The following TEX22 variants were observed in gnomAD, a reference collection of about 807,000 sequenced individuals.
The protein encoded by TEX22 is testis-expressed protein 22.
In TEX22, 16 loss-of-function variants were observed where a neutral mutation model predicts 11.3. That is an observed-to-expected ratio of 1.42 (90% confidence interval 0.96 to 2.15). TEX22 has a LOEUF of 2.15. Ranked by LOEUF, TEX22 falls within the 30% of genes most tolerant of loss-of-function variation. The probability of loss-of-function intolerance (pLI) is 0.00; values close to 1 mark genes in which losing one functional copy is unlikely to be tolerated. For missense variants in TEX22, 220 were observed against 208.6 expected, an observed-to-expected ratio of 1.05 and a Z score of -0.34; for synonymous variants, 97 against 92.3, an observed-to-expected ratio of 1.05 and a Z score of -0.29.
chr14:105,411,354 G>T lies in TEX22; in HGVS notation c.151-14G>T, dbSNP rs902918669. ...GCGCCGAGGCCCTCGCCGACCCGCT[G>T]CCCTGTCCCCCAGGTGTGCGAGCCG... On this transcript the variant is annotated splice_polypyrimidine_tract_variant and intron_variant, in intron 2 of 3. Coordinates refer to ENST00000451127, the MANE Select transcript of TEX22 (RefSeq NM_001195082.2). The T allele has an allele frequency of 2.3e-6, 3 of 1,324,118 alleles. No homozygotes were observed. The highest frequency in any genetic ancestry group is 2.9e-6 in the Non-Finnish European group (3 of 1,036,302). The allele number at this position is 1,324,118 out of a possible 1,614,324, so 82.0% of individuals were successfully genotyped here.
At chr14:105,404,439 CAG>C (rs782620365) in intron 2 of TEX22, among the ~76,000 whole-genome samples, 9 of 152,342 alleles carry the variant, frequency 5.9e-5, no homozygotes, top group African/African-American at 1.2e-4. Flanking sequence ...GGGGACGACA[CAG>C]GGGCATGGAT....
intron 2 of TEX22, among the ~76,000 whole-genome samples, chr14:105,402,431 A>G (rs1253952637): frequency 6.6e-6 from 1 of 152,246 alleles, no homozygotes; most frequent in South Asian, 2.1e-4. Context: ...TATTCAACTT[A>G]GCAACAGGAA....
intron 2 of TEX22, among the ~76,000 whole-genome samples, chr14:105,410,681 TC>T (rs2081684832): frequency 6.6e-6 from 1 of 152,220 alleles, no homozygotes; most frequent in Non-Finnish European, 1.5e-5. Context: ...CTCTCCCCTC[TC>T]CCCTTCCCCC....
intron 2 of TEX22, 27 bp downstream of exon 2, chr14:105,399,517 G>A (rs1477916568): frequency 1.3e-6 from 2 of 1,514,724 alleles, no homozygotes; most frequent in African/African-American, 1.4e-5. Flanking sequence ...CCTGGCCGAG[G>A]CTACTCTCCT....
At chr14:105,410,788 A>G (rs1191132070) in intron 2 of TEX22, among the ~76,000 whole-genome samples, 6 of 152,116 alleles carry the variant, frequency 3.9e-5, no homozygotes, top group African/African-American at 1.4e-4. Flanking sequence ...CTTGGGGGAT[A>G]GAGGTCGTGC....
Sources: allele counts gnomAD v4.1 joint callset (sites outside exome capture counted in the v4.1 genomes callset), GRCh38; gene constraint gnomAD v4.1.1; transcripts MANE v1.5; gene names NCBI Gene and HGNC (gene_info 2026-07-23, HGNC 2026-07-21).